Variants in TMC5 observed in about 807,000 individuals in gnomAD.
TMC5 encodes the protein transmembrane channel like 5.
TMC5 carries 86 observed loss-of-function variants against 110.5 expected under a neutral mutation model. The observed-to-expected ratio is 0.78, with a 90% CI of 0.65 to 0.93. The LOEUF is 0.93. Ranked by LOEUF, TMC5 falls within the 40% of genes least tolerant of loss-of-function variation. The pLI is 0.00. For synonymous variants in TMC5, 455 were observed against 439.5 expected (o/e 1.04, Z -0.44); for missense variants, 1,144 against 1,222.8 (o/e 0.94, Z 0.96).
chr16:19,427,315 A>G (rs1967105906), intron 1 of TMC5, among the ~76,000 whole-genome samples: 1 of 152,202 alleles, frequency 6.6e-6, no homozygotes, highest in Admixed American at 6.5e-5. Context: ...AGTTGGGCAC[A>G]GTAGCTCACA....
chr16:19,491,576 C>T (rs975387892), intron 18 of TMC5, among the ~76,000 whole-genome samples: 2 of 147,896 alleles, frequency 1.4e-5, no homozygotes, highest in African/African-American at 2.5e-5. Flanking sequence ...CGCACTGTCA[C>T]CCAGGCTGGA....
upstream of TMC5, among the ~76,000 whole-genome samples, chr16:19,413,086 A>G (rs1966860360): frequency 6.6e-6 from 1 of 151,474 alleles, no homozygotes; most frequent in African/African-American, 2.4e-5. Flanking sequence ...TCAAGCAATC[A>G]TCCTGCCTCA....
intron 14 of TMC5, among the ~76,000 whole-genome samples, chr16:19,480,512 T>C (rs1968591495): frequency 6.6e-6 from 1 of 151,974 alleles, no homozygotes; most frequent in South Asian, 2.1e-4. Context: ...GACATAAAGG[T>C]GAAAAGGTTT....
chr16:19,411,931 G>A (rs568871464), intron 1 of TMC5, among the ~76,000 whole-genome samples: 45 of 152,330 alleles, frequency 3.0e-4, no homozygotes, highest in African/African-American at 1.1e-3. Flanking sequence ...GTCTGTAGAG[G>A]AGTCTGTGTG....
chr16:19,420,545 C>G (rs972638391), intron 1 of TMC5, among the ~76,000 whole-genome samples: 3 of 152,162 alleles, frequency 2.0e-5, no homozygotes, highest in Non-Finnish European at 4.4e-5. Context: ...ACTGCAGCCT[C>G]AACTCCCTTG....
chr16:19,486,730 A>C (rs1968751583), intron 15 of TMC5, among the ~76,000 whole-genome samples: 1 of 152,082 alleles, frequency 6.6e-6, no homozygotes, highest in Non-Finnish European at 1.5e-5. Context: ...GGCCTCCTAC[A>C]GTGATCTCAT....
intron 1 of TMC5, among the ~76,000 whole-genome samples, chr16:19,425,047 C>T (rs376591199): frequency 1.2e-3 from 190 of 152,258 alleles, no homozygotes; most frequent in African/African-American, 4.2e-3. Context: ...TTTTAGGAAC[C>T]GGAACCAAAG....
intron 17 of TMC5, among the ~76,000 whole-genome samples, chr16:19,489,345 AT>A (rs1968827726): frequency 6.7e-6 from 1 of 150,288 alleles, no homozygotes; most frequent in Admixed American, 6.6e-5. Context: ...TTTATTTTTT[AT>A]TTTTTTGAGA....
intron 7 of TMC5, 68 bp downstream of exon 7, chr16:19,463,435 G>C: frequency 1.6e-6 from 2 of 1,255,140 alleles, no homozygotes; most frequent in Admixed American, 1.7e-5. Flanking sequence ...GATGAAAGGG[G>C]ACTCAGGGGG....
At position 19,463,783 on chromosome 16, in the gene TMC5, G is replaced by A. The variant is rs368210991; in HGVS notation, c.1244G>A (p.Arg415Gln). Residue 415 changes from arginine (R) to glutamine (Q), a missense_variant, in exon 8 of 22, where the codon CGG becomes CAG. Physicochemically the swap from Arg to Gln is conservative, Grantham distance 43. Coordinates refer to ENST00000542583, the MANE Select transcript of TMC5 (RefSeq NM_001261841.2). ...TTTGAATCCTGATTCCAGGCTTATC[G>A]GAGATCCAAGAACAGCCTGTCGGAA... ...QCLNSISRAYRRSKNSLSEIL... is the reference protein window; with the variant it reads ...QCLNSISRAYQRSKNSLSEIL... The A allele has an allele frequency of 7.0e-5, 113 of 1,613,734 alleles. 3 individuals carry two copies. The South Asian group carries it at 9.4e-4, about 13-fold the overall frequency.
intron 10 of TMC5, among the ~76,000 whole-genome samples, chr16:19,471,487 G>A (rs1401472950): frequency 6.6e-6 from 1 of 152,180 alleles, no homozygotes; most frequent in Non-Finnish European, 1.5e-5. Flanking sequence ...TGTGACCTCA[G>A]TGTGCTTTTC....
intron 9 of TMC5, among the ~76,000 whole-genome samples, chr16:19,467,931 ATT>A (rs1331553006): frequency 8.5e-5 from 13 of 152,104 alleles, no homozygotes; most frequent in Non-Finnish European, 8.8e-5. Context: ...CTAAAGTGAG[ATT>A]TTGTTTTGTT....
intron 7 of TMC5, among the ~76,000 whole-genome samples, 158 bp from the exon 8 acceptor site, chr16:19,463,615 TCCA>T (rs1455434437): frequency 6.6e-6 from 1 of 152,162 alleles, no homozygotes; most frequent in Non-Finnish European, 1.5e-5. Flanking sequence ...TCATAATAGC[TCCA>T]CCTTAGAGTT....
intron 18 of TMC5, 38 bp downstream of exon 18, chr16:19,490,606 A>G: frequency 6.2e-7 from 1 of 1,610,496 alleles, no homozygotes; most frequent in Non-Finnish European, 8.5e-7. Context: ...AGGGAAAGCC[A>G]GGAGCTCTCG....
At chr16:19,424,750 G>C (rs994481158) in intron 1 of TMC5, among the ~76,000 whole-genome samples, 1 of 152,222 alleles carries the variant, frequency 6.6e-6, no homozygotes, top group African/African-American at 2.4e-5. Context: ...TTCTGTCCCA[G>C]TGAGTTGGGG....
At chr16:19,441,245 G>T (rs538502018) in intron 3 of TMC5, among the ~76,000 whole-genome samples, 2 of 151,516 alleles carry the variant, frequency 1.3e-5, no homozygotes, top group African/African-American at 4.8e-5. Flanking sequence ...ATCTAACTCC[G>T]TGAAGTCGAT....
intron 5 of TMC5, chr16:19,456,459 T>G (rs1476086319): frequency 8.5e-7 from 1 of 1,181,242 alleles, no homozygotes; most frequent in Non-Finnish European, 1.0e-6. Context: ...GACAGAATTC[T>G]CTGCAGGAAA....
At chr16:19,444,384 C>A in intron 4 of TMC5, 134 bp downstream of exon 4, 1 of 734,782 alleles carries the variant, frequency 1.4e-6, no homozygotes, top group Non-Finnish European at 2.2e-6. Flanking sequence ...CTTGTTTTTA[C>A]ATACAAAAGT....
rs201340058 is a variant in TMC5 at position 19,466,101 on chromosome 16, T to C, written c.1505T>C (p.Val502Ala). Residue 502 changes from valine to alanine, a missense_variant, in exon 9 of 22, where the codon GTG becomes GCG. Transcript: ENST00000542583. ...TTTCAGGGTTATTTTAGGGACACAG[T>C]GATGTACTATGGCTTTTACACCAAT... ...FTGVGYFRDT[V>A]MYYGFYTNST... is the part of the protein sequence containing the mutation. 376 of 1,614,032 alleles carry C rather than the reference T, an allele frequency of 2.3e-4. No individual in the cohort carries two copies. The highest frequency in any genetic ancestry group is 2.5e-4 in the Non-Finnish European group (294 of 1,179,978).
Sources: gnomAD v4.1 joint callset for allele counts (sites outside exome capture counted in the v4.1 genomes callset) on GRCh38, gnomAD v4.1.1 for gene constraint, MANE v1.5 for transcripts, NCBI Gene and HGNC (gene_info 2026-07-23, HGNC 2026-07-21) for gene names.